The following MSI2 variants were observed in gnomAD, a reference collection of about 807,000 sequenced individuals.
The protein encoded by MSI2 is musashi RNA binding protein 2, also known as RNA-binding protein Musashi homolog 2.
In MSI2, 17 loss-of-function variants were observed where a neutral mutation model predicts 45.6. That is an observed-to-expected ratio of 0.37 (90% CI 0.26 to 0.56). MSI2 has a LOEUF of 0.56. Among genes scored for constraint, MSI2 ranks in the 20% least tolerant of loss-of-function variants. The pLI, the probability that MSI2 is intolerant of heterozygous loss-of-function variation, is 0.77. For missense variants in MSI2, 293 were observed against 444.2 expected (o/e 0.66, Z 3.06); for synonymous variants, 156 against 158.2 (o/e 0.99, Z 0.11).
intron 5 of MSI2, among the ~76,000 whole-genome samples, chr17:57,348,797 A>G (rs1915808874): frequency 6.6e-6 from 1 of 152,188 alleles, no homozygotes; most frequent in African/African-American, 2.4e-5. Context: ...AATGACCTAT[A>G]GGGAGAATGG....
At chr17:57,672,790 G>A (rs1912900041) in intron 11 of MSI2, among the ~76,000 whole-genome samples, 1 of 146,824 alleles carries the variant, frequency 6.8e-6, no homozygotes, top group South Asian at 2.1e-4. Context: ...CCTGAGCTCA[G>A]AAGAAAAAAA....
At chr17:57,340,275 C>G (rs977893681) in intron 5 of MSI2, among the ~76,000 whole-genome samples, 1 of 152,192 alleles carries the variant, frequency 6.6e-6, no homozygotes, top group African/African-American at 2.4e-5. Context: ...CGCACCTCCT[C>G]CCAGCCACTA....
chr17:57,465,774 G>C (rs1440077056), intron 6 of MSI2, among the ~76,000 whole-genome samples: 1 of 152,146 alleles, frequency 6.6e-6, no homozygotes, highest in Non-Finnish European at 1.5e-5. Flanking sequence ...GATTGGAACA[G>C]CCCAGAAACC....
chr17:57,478,509 T>C (rs1487653772), intron 6 of MSI2, among the ~76,000 whole-genome samples: 1 of 152,186 alleles, frequency 6.6e-6, no homozygotes, highest in Non-Finnish European at 1.5e-5. Context: ...GAAGCACGCA[T>C]TGTACTACTA....
intron 5 of MSI2, among the ~76,000 whole-genome samples, chr17:57,315,405 G>A (rs1051001920): frequency 2.6e-5 from 4 of 151,426 alleles, no homozygotes; most frequent in South Asian, 4.2e-4. Flanking sequence ...TGCTGGCAGC[G>A]TTTCTTGGGG....
chr17:57,272,370 G>C (rs1440781230), intron 5 of MSI2, among the ~76,000 whole-genome samples: 1 of 152,194 alleles, frequency 6.6e-6, no homozygotes, highest in Non-Finnish European at 1.5e-5. Flanking sequence ...CAACATCACA[G>C]AGCTGGGCAC....
chr17:57,353,110 G>A (rs1051938333), intron 5 of MSI2, among the ~76,000 whole-genome samples: 8 of 152,146 alleles, frequency 5.3e-5, no homozygotes, highest in Non-Finnish European at 8.8e-5. Context: ...CAGTTCATTG[G>A]CCCATCTTTC....
At chr17:57,561,668 G>A (rs572309011) in intron 7 of MSI2, among the ~76,000 whole-genome samples, 3 of 152,308 alleles carry the variant, frequency 2.0e-5, no homozygotes, top group South Asian at 2.1e-4. Flanking sequence ...CTGTGAGGAC[G>A]ACAGAAAGGT....
chr17:57,649,992 C>A (rs1911011593), intron 10 of MSI2, among the ~76,000 whole-genome samples: 1 of 152,222 alleles, frequency 6.6e-6, no homozygotes, highest in African/African-American at 2.4e-5. Flanking sequence ...CACACCCTCC[C>A]TCTCCAGGGT....
At chr17:57,412,156 G>C (rs1455795290) in intron 6 of MSI2, among the ~76,000 whole-genome samples, 1 of 151,908 alleles carries the variant, frequency 6.6e-6, no homozygotes. Flanking sequence ...TCCTGCCTCA[G>C]CTTCCTAAGT....
At chr17:57,648,132 C>CGTGTGTGTGTGTGTGT (rs765039915) in intron 10 of MSI2, among the ~76,000 whole-genome samples, 5 of 116,182 alleles carry the variant, frequency 4.3e-5, no homozygotes, top group African/African-American at 6.7e-5. Flanking sequence ...CTGGCTAATT[C>CGTGTGTGTGTGTGTGT]GTGTGTGTGT....
rs527289141 is a variant in MSI2, at chr17:57,611,214, G to A, written c.538-4756G>A. Among the ~76,000 whole-genome samples, 4 of 96,230 alleles carry A rather than the reference G, an allele frequency of 4.2e-5. 2 individuals are homozygous for A. In the South Asian group the frequency reaches 1.5e-3, roughly 36 times the overall value. 63.1% of individuals were successfully genotyped at this position (96,230 alleles called of 152,430 possible). On this transcript the variant is annotated intron_variant, in intron 8 of 13. Coordinates refer to ENST00000284073, the MANE Select transcript of MSI2 (RefSeq NM_138962.4). ...AGACTGGGAGGTGGGCCTTCCTCAAGGGGAAGTCTTAGGAGGTGGGGCCAA... is the reference window on the plus strand; with the variant it reads ...AGACTGGGAGGTGGGCCTTCCTCAAAGGGAAGTCTTAGGAGGTGGGGCCAA...
intron 5 of MSI2, among the ~76,000 whole-genome samples, chr17:57,284,073 G>A (rs1183014989): frequency 6.6e-5 from 10 of 152,212 alleles, no homozygotes; most frequent in Non-Finnish European, 1.3e-4. Context: ...TTTCTGGATC[G>A]ACACAGCCCC....
At chr17:57,538,212 G>T (rs762706324) in intron 7 of MSI2, among the ~76,000 whole-genome samples, 1 of 152,100 alleles carries the variant, frequency 6.6e-6, no homozygotes, top group East Asian at 1.9e-4. Flanking sequence ...TTAGCATCAC[G>T]GCACTGCCAG....
chr17:57,366,525 G>T (rs891909141), intron 5 of MSI2, among the ~76,000 whole-genome samples: 4 of 152,234 alleles, frequency 2.6e-5, no homozygotes, highest in African/African-American at 9.6e-5. Context: ...TATAGTAGAG[G>T]TGGAGAGGGC....
chr17:57,603,706 A>C (rs1906182321), intron 8 of MSI2, among the ~76,000 whole-genome samples: 1 of 152,214 alleles, frequency 6.6e-6, no homozygotes. Context: ...AACACAGTCC[A>C]GGCAATATAT....
At chr17:57,427,082 C>G (rs2084506809) in intron 6 of MSI2, among the ~76,000 whole-genome samples, 1 of 152,218 alleles carries the variant, frequency 6.6e-6, no homozygotes, top group Non-Finnish European at 1.5e-5. Flanking sequence ...CTCTCTGTTT[C>G]TCCTAGTTGG....
rs9892364 is a variant in MSI2, at chr17:57,447,712, A to G, written c.405+46241A>G. Among the ~76,000 whole-genome samples the G allele has an allele frequency of 7.9e-3, 1,204 of 152,188 alleles. 19 individuals are homozygous for G. The highest frequency in any genetic ancestry group is 0.028 in the African/African-American group (1,160 of 41,518). On this transcript the variant is annotated intron_variant, in intron 6 of 13. Coordinates refer to ENST00000284073, the MANE Select transcript of MSI2 (RefSeq NM_138962.4). Reference sequence around the variant, plus strand: ...TCATCCCCTGAGGAGTGCACGACCCAGTGCCTGCGTTCTATGCCATTGTCA... The same window carrying G: ...TCATCCCCTGAGGAGTGCACGACCCGGTGCCTGCGTTCTATGCCATTGTCA...
chr17:57,433,032 G>T (rs1442353767), intron 6 of MSI2, among the ~76,000 whole-genome samples: 1 of 152,174 alleles, frequency 6.6e-6, no homozygotes, highest in Admixed American at 6.5e-5. Flanking sequence ...TGAATCTACA[G>T]TCCTCTCAAC....
Sources: gnomAD v4.1 joint callset for allele counts (sites outside exome capture counted in the v4.1 genomes callset) on GRCh38, gnomAD v4.1.1 for gene constraint, MANE v1.5 for transcripts, NCBI Gene and HGNC (gene_info 2026-07-23, HGNC 2026-07-21) for gene names.